The following AR variants were observed in gnomAD, a reference collection of about 807,000 sequenced individuals.
The protein encoded by AR is androgen receptor.
A neutral mutation model predicts 53.9 loss-of-function variants in AR; 8 were observed. That is an observed-to-expected ratio of 0.15 (90% CI 0.09 to 0.27). The LOEUF is 0.27. Among genes scored for constraint, AR ranks in the 10% least tolerant of loss-of-function variants. The pLI is 1.00. For synonymous variants in AR, 359 were observed against 316.4 expected (o/e 1.13, Z -1.43); for missense variants, 639 against 742.5 (o/e 0.86, Z 1.62).
At chrX:67,547,407 G>T (rs904885200) in intron 1 of AR, among the ~76,000 whole-genome samples, 1 of 111,818 alleles carries the variant, frequency 8.9e-6, no homozygotes, top group Non-Finnish European at 1.9e-5. Context: ...CATGTTTAGA[G>T]TAGGCAGAGG....
At chrX:67,649,227 G>C (rs1926211840) in intron 2 of AR, among the ~76,000 whole-genome samples, 3 of 112,318 alleles carry the variant, frequency 2.7e-5, no homozygotes, top group Admixed American at 1.9e-4. Context: ...TGACTGCATA[G>C]TATTCCATGG....
At chrX:67,662,185 A>G (rs753589027) in intron 2 of AR, among the ~76,000 whole-genome samples, 13 of 110,768 alleles carry the variant, frequency 1.2e-4, no homozygotes, top group African/African-American at 3.0e-4. Context: ...TTACATCTCT[A>G]TTTCCTTCAG....
chrX:67,680,805 A>C (rs1390377469), intron 2 of AR: 1 of 325,624 alleles, frequency 3.1e-6, no homozygotes, highest in Non-Finnish European at 6.0e-6. Flanking sequence ...TGGGACTGAC[A>C]GAAAACAACA....
At chrX:67,604,470 A>G (rs949298073) in intron 1 of AR, among the ~76,000 whole-genome samples, 3 of 110,895 alleles carry the variant, frequency 2.7e-5, no homozygotes, top group Non-Finnish European at 5.7e-5. Flanking sequence ...TTCTAAGTCT[A>G]TGCTAATGAT....
rs1283355370 is a variant in AR at position 67,664,651 on chromosome X, A to T, written c.1768+21244A>T. Among the ~76,000 whole-genome samples, 5 of 112,221 alleles carry T rather than the reference A, an allele frequency of 4.5e-5. No individual in the cohort carries two copies. In the Admixed American group the frequency reaches 4.7e-4, roughly 11 times the overall value. ...ACTACTCTCTTCAAAGCTGTCAGAC[A>T]GGGACATTTAAGTCTGCAGAGGTTT... On this transcript the variant is annotated intron_variant, in intron 2 of 7. Coordinates refer to ENST00000374690, the MANE Select transcript of AR (RefSeq NM_000044.6).
chrX:67,719,043 C>G (rs1467925581), intron 5 of AR, among the ~76,000 whole-genome samples: 1 of 110,946 alleles, frequency 9.0e-6, no homozygotes, highest in African/African-American at 3.3e-5. Context: ...CCTCTTCAGC[C>G]CTCTAACCCA....
chrX:67,577,873 A>G lies in AR; in HGVS notation c.1616+31111A>G, dbSNP rs751980533. Among the ~76,000 whole-genome samples the G allele has an allele frequency of 5.9e-4, 66 of 111,533 alleles. 1 individual carries two copies. In the Admixed American group the frequency reaches 5.9e-3, roughly 10 times the overall value. ...TTACAATATATTTTGGATGTTTGTC[A>G]TTTTAGGGATGATACTTCACAGTTA... On this transcript the variant is annotated intron_variant, in intron 1 of 7. Coordinates refer to ENST00000374690, the MANE Select transcript of AR (RefSeq NM_000044.6).
chrX:67,654,558 G>T (rs1045165953), intron 2 of AR, among the ~76,000 whole-genome samples: 1 of 110,076 alleles, frequency 9.1e-6, no homozygotes, highest in African/African-American at 3.3e-5. Flanking sequence ...GGACTTGAAG[G>T]TGTCAGAGCT....
intron 3 of AR, among the ~76,000 whole-genome samples, chrX:67,692,213 TAAC>T (rs1342458613): frequency 2.7e-5 from 3 of 112,019 alleles, no homozygotes; most frequent in African/African-American, 9.7e-5. Flanking sequence ...CATAAAGAAT[TAAC>T]AACGTGGAAC....
chrX:67,566,292 T>C (rs969914375), intron 1 of AR, among the ~76,000 whole-genome samples: 10 of 111,597 alleles, frequency 9.0e-5, no homozygotes, highest in Non-Finnish European at 1.7e-4. Flanking sequence ...TAAGATACCA[T>C]CTCAGGCCTC....
chrX:67,713,667 A>T (rs1430168415), intron 4 of AR, among the ~76,000 whole-genome samples: 1 of 112,162 alleles, frequency 8.9e-6, no homozygotes, highest in Non-Finnish European at 1.9e-5. Flanking sequence ...CCAGAACTTG[A>T]CCTAGACCTT....
chrX:67,645,886 C>T (rs1926034421), intron 2 of AR, among the ~76,000 whole-genome samples: 2 of 111,859 alleles, frequency 1.8e-5, no homozygotes. Context: ...CCAAAGAGGA[C>T]ATTTATTGAT....
intron 2 of AR, among the ~76,000 whole-genome samples, chrX:67,671,846 A>G (rs892409917): frequency 4.5e-5 from 5 of 111,949 alleles, no homozygotes; most frequent in Non-Finnish European, 9.4e-5. Flanking sequence ...ACCATTTATT[A>G]AATAGGGAAT....
chrX:67,686,209 T>C, intron 3 of AR, 83 bp downstream of exon 3: 3 of 999,108 alleles, frequency 3.0e-6, no homozygotes, highest in South Asian at 4.0e-5. Flanking sequence ...GACCAGATTT[T>C]CTTCTTTGAT....
rs747119419 is a variant in AR, at chrX:67,670,341, ATAAT to A, written c.1769-15667_1769-15664del. On this transcript the variant is annotated intron_variant, in intron 2 of 7. Coordinates refer to ENST00000374690, the MANE Select transcript of AR (RefSeq NM_000044.6). The stretch of plus-strand genomic sequence containing the variant: ...AACTAATGAAATTTTTTAAAAAATA[ATAAT>A]TGTTCTTATTAAAAAATAGTATTAT... 8.7e-3 allele frequency among the ~76,000 whole-genome samples: 861 copies of A among 98,492 alleles called. 13 individuals are homozygous for A. The highest frequency in any genetic ancestry group is 0.03 in the African/African-American group (827 of 27,467). The allele number at this position is 98,492 out of a possible 115,157, so 85.5% of individuals were successfully genotyped here.
At chrX:67,658,377 A>G (rs1283941913) in intron 2 of AR, among the ~76,000 whole-genome samples, 3 of 112,362 alleles carry the variant, frequency 2.7e-5, no homozygotes, top group Non-Finnish European at 5.6e-5. Flanking sequence ...GTAGAGAGAA[A>G]TGTATAAGTT....
chrX:67,710,518 G>T (rs1318627918), intron 3 of AR, among the ~76,000 whole-genome samples: 3 of 110,081 alleles, frequency 2.7e-5, no homozygotes, highest in Non-Finnish European at 1.9e-5. Context: ...TGTGGAGATG[G>T]TGTATTGTCT....
intron 1 of AR, among the ~76,000 whole-genome samples, chrX:67,549,388 G>T (rs1929907581): frequency 8.9e-6 from 1 of 111,825 alleles, no homozygotes; most frequent in Admixed American, 9.5e-5. Context: ...AGTAACATCT[G>T]CACTCACTCT....
chrX:67,729,582 G>A lies in AR; in HGVS notation c.*5741G>A. ...TCCAATTCAGTATAGCAAGGTGCTA[G>A]GTTTTTTCCTTTCCCCACCTGTCTC... is the stretch of plus-strand genomic sequence containing the variant. On this transcript the variant is annotated 3_prime_UTR_variant, in exon 8 of 8. Transcript: ENST00000374690. 5.7e-6 allele frequency: 1 copy of A among 174,577 alleles called. No individual in the cohort carries two copies. Among genetic ancestry groups the A allele is most frequent in the East Asian group, 8.1e-5 (1 of 12,356 alleles). The allele number at this position is 174,577 out of a possible 1,213,427, so 14.4% of individuals were successfully genotyped here. A position where few individuals can be genotyped will look rare whatever the true frequency, so the allele number is the denominator to read the frequency against.
Sources: gnomAD v4.1 joint callset for allele counts (sites outside exome capture counted in the v4.1 genomes callset) on GRCh38, gnomAD v4.1.1 for gene constraint, MANE v1.5 for transcripts, NCBI Gene and HGNC (gene_info 2026-07-23, HGNC 2026-07-21) for gene names.